The following ANKS3 variants were observed in gnomAD, a reference collection of about 807,000 sequenced individuals.
ANKS3 encodes the protein ankyrin repeat and sterile alpha motif domain containing 3, also known as ankyrin repeat and SAM domain-containing protein 3.
A neutral mutation model predicts 80.7 loss-of-function variants in ANKS3; 62 were observed. That is an observed-to-expected ratio of 0.77 (90% confidence interval 0.63 to 0.95). The LOEUF (loss-of-function observed/expected upper bound fraction) is 0.95, where lower values mean the gene tolerates loss of function less well. Ranked by LOEUF, ANKS3 falls within the 40% of genes least tolerant of loss-of-function variation. The pLI is 0.00. For missense variants in ANKS3, 1,150 were observed against 883.6 expected, an observed-to-expected ratio of 1.30 and a Z score of -3.82; for synonymous variants, 489 against 355.3, an observed-to-expected ratio of 1.38 and a Z score of -4.23.
intron 8 of ANKS3, among the ~76,000 whole-genome samples, chr16:4,703,046 C>T (rs940098157): frequency 2.0e-5 from 3 of 152,222 alleles, no homozygotes; most frequent in African/African-American, 7.2e-5. Context: ...GGGGAACTTA[C>T]TTTCCTCTTT....
chr16:4,706,911 T>G (rs73504459), intron 7 of ANKS3, among the ~76,000 whole-genome samples: 1,669 of 152,242 alleles, frequency 0.011, 28 homozygotes, highest in African/African-American at 0.039. Context: ...ACAGGACAAC[T>G]CAGGGCAGGC....
chr16:4,711,737 A>AG (rs1555470471), intron 7 of ANKS3, among the ~76,000 whole-genome samples: 7 of 150,030 alleles, frequency 4.7e-5, no homozygotes, highest in African/African-American at 1.7e-4. Context: ...AAAAAAAAAA[A>AG]GGGAGAAAAT....
chr16:4,713,233 A>G (rs1256372799), intron 7 of ANKS3, among the ~76,000 whole-genome samples: 3 of 151,988 alleles, frequency 2.0e-5, no homozygotes, highest in Non-Finnish European at 4.4e-5. Flanking sequence ...GCTTCATTGC[A>G]CTCCAGCCTG....
chr16:4,718,714 C>G (rs1448995789), intron 6 of ANKS3, among the ~76,000 whole-genome samples: 1 of 152,198 alleles, frequency 6.6e-6, no homozygotes, highest in East Asian at 1.9e-4. Flanking sequence ...GCAAACCACC[C>G]AGGCCATCGG....
In ANKS3 at chr16:4,705,195, C is replaced by T. The variant is rs767968694; in HGVS notation, c.768G>A (p.Arg256=). The T allele has an allele frequency of 6.2e-7, 1 of 1,613,994 alleles. No individual in the cohort carries two copies. ...DESCPAPQRQ[R]PCRKKGVSIH... The stretch of plus-strand genomic sequence containing the variant: ...TGCTGACACCCTTCTTCCGGCAAGG[C>T]CTCTGTCTCTGAGGAGCAGGGCAGG... Residue 256 remains arginine, a synonymous_variant, in exon 8 of 18, where the codon AGG becomes AGA. Transcript: ENST00000304283.
intron 6 of ANKS3, among the ~76,000 whole-genome samples, chr16:4,721,335 G>A (rs1036659434): frequency 9.4e-5 from 14 of 148,964 alleles, no homozygotes; most frequent in Admixed American, 8.7e-4. Context: ...GGGGCTGGGT[G>A]CGTTGGCTCG....
Position 4,699,068 on chromosome 16 carries a change from T to C in ANKS3, c.1393A>G (p.Lys465Glu), listed in dbSNP as rs2079754279. 1 of 1,613,970 alleles carries C rather than the reference T, an allele frequency of 6.2e-7. No homozygotes were observed. Among genetic ancestry groups the C allele is most frequent in the Admixed American group, 1.7e-5 (1 of 60,004 alleles). Residue 465 changes from lysine to glutamate, a missense_variant, in exon 12 of 18, where the codon AAG (lysine) becomes GAG (glutamate). Coordinates refer to ENST00000304283, the MANE Select transcript of ANKS3 (RefSeq NM_133450.4). The part of the protein sequence containing the change: ...IFLTLTESDL[K>E]EIGITLFGPK... ...TGGACGCACGTGATGCCAATTTCCT[T>C]CAGGTCGCTCTCAGTGAGGGTCAGA...
intron 6 of ANKS3, among the ~76,000 whole-genome samples, chr16:4,714,862 A>G (rs2080702644): frequency 6.6e-6 from 1 of 151,696 alleles, no homozygotes; most frequent in Non-Finnish European, 1.5e-5. Flanking sequence ...CGTGGTGGTG[A>G]ACGCCTATAG....
At position 4,701,541 on chromosome 16, in the gene ANKS3, C is replaced by T. The variant is rs748458955; in HGVS notation, c.1012G>A (p.Glu338Lys). 7.5e-6 allele frequency: 12 copies of T among 1,607,926 alleles called. No individual in the cohort carries two copies. The highest frequency in any genetic ancestry group is 1.0e-5 in the Non-Finnish European group (12 of 1,176,844). Residue 338 changes from glutamate to lysine, a missense_variant and splice_region_variant, in exon 10 of 18, where the codon GAA becomes AAA. By Grantham distance (56) the Glu-to-Lys change is moderately conservative. Transcript: ENST00000304283. ...CCCAGGTTGGCACAGAAAGCATGTT[C>T]CTCTGAGGGCGGGAAGACAGGGCGT... ...ESSSSSSSRE[E>K]HAFCANLGPV...
intron 7 of ANKS3, among the ~76,000 whole-genome samples, chr16:4,709,238 C>G (rs2142067810): frequency 6.6e-6 from 1 of 151,844 alleles, no homozygotes; most frequent in South Asian, 2.1e-4. Flanking sequence ...GAAACCCTGT[C>G]TCTCCCAAAA....
At chr16:4,721,254 G>A (rs369503950) in intron 6 of ANKS3, among the ~76,000 whole-genome samples, 4 of 148,574 alleles carry the variant, frequency 2.7e-5, no homozygotes, top group Non-Finnish European at 6.0e-5. Context: ...GCAGTGAGCC[G>A]AGATCGTGCC....
intron 11 of ANKS3, chr16:4,699,812 T>C (rs2079800179): frequency 6.5e-6 from 1 of 152,706 alleles, no homozygotes; most frequent in Admixed American, 6.5e-5. Context: ...CTGACTCTTC[T>C]GCCTGCTCAA....
intron 1 of ANKS3, among the ~76,000 whole-genome samples, chr16:4,731,990 G>T (rs2081643843): frequency 6.6e-6 from 1 of 152,202 alleles, no homozygotes; most frequent in Non-Finnish European, 1.5e-5. Flanking sequence ...CAGGTGCTAT[G>T]GTAGTTAATA....
chr16:4,714,197 C>A lies in ANKS3; in HGVS notation c.574-11G>T. ...GTCCACCTTGACTCCCTGTGAATGT[C>A]CGTGAAAGGGGGTTAGGGGCCTCTC... On this transcript the variant is annotated splice_polypyrimidine_tract_variant and intron_variant, in intron 6 of 17. Coordinates refer to ENST00000304283, the MANE Select transcript of ANKS3 (RefSeq NM_133450.4). 1 of 1,613,710 alleles carries A rather than the reference C, an allele frequency of 6.2e-7. No individual in the cohort carries two copies. Among genetic ancestry groups the A allele is most frequent in the African/African-American group, 1.3e-5 (1 of 75,040 alleles).
At chr16:4,706,978 C>A (rs546601132) in intron 7 of ANKS3, among the ~76,000 whole-genome samples, 1 of 152,140 alleles carries the variant, frequency 6.6e-6, no homozygotes, top group Non-Finnish European at 1.5e-5. Flanking sequence ...TTCCCCATGA[C>A]GAGGCTCAAG....
chr16:4,722,365 G>A lies in ANKS3; in HGVS notation c.573+2385C>T, dbSNP rs892983308. 2.7e-4 allele frequency among the ~76,000 whole-genome samples: 41 copies of A among 151,940 alleles called. No individual in the cohort carries two copies. In the East Asian group the frequency reaches 7.6e-3, roughly 28 times the overall value. On this transcript the variant is annotated intron_variant, in intron 6 of 17. Coordinates refer to ENST00000304283, the MANE Select transcript of ANKS3 (RefSeq NM_133450.4). Reference sequence around the variant, plus strand: ...GGAGGCCAGGGCGGGCAGATCATGAGGTCAGGAGATCGAGACCATCCTGGC... The same window carrying A: ...GGAGGCCAGGGCGGGCAGATCATGAAGTCAGGAGATCGAGACCATCCTGGC...
rs1270687083 is a variant in ANKS3 at position 4,696,732 on chromosome 16, A to C, written c.*176T>G. On this transcript the variant is annotated 3_prime_UTR_variant, in exon 18 of 18. Transcript: ENST00000304283. Reference sequence around the variant, plus strand: ...GCCTCAGTGCTGGCCCGAGCTGCCGAGCCAGGGCCGCAGCCCCCGTCTTGC... The same window carrying C: ...GCCTCAGTGCTGGCCCGAGCTGCCGCGCCAGGGCCGCAGCCCCCGTCTTGC... 1.8e-5 allele frequency: 9 copies of C among 502,080 alleles called. No homozygotes were observed. Among genetic ancestry groups the C allele is most frequent in the African/African-American group, 1.6e-4 (8 of 51,556 alleles). The allele number at this position is 502,080 out of a possible 1,614,324, so 31.1% of individuals were successfully genotyped here. A position where few individuals can be genotyped will look rare whatever the true frequency, so the allele number is the denominator to read the frequency against.
In ANKS3 at chr16:4,714,039, A is replaced by C; in HGVS notation, c.709+12T>G. 5 of 1,613,760 alleles carry C rather than the reference A, an allele frequency of 3.1e-6. No individual in the cohort carries two copies. The highest frequency in any genetic ancestry group is 4.2e-6 in the Non-Finnish European group (5 of 1,179,838). On this transcript the variant is annotated intron_variant, in intron 7 of 17. Coordinates refer to ENST00000304283, the MANE Select transcript of ANKS3 (RefSeq NM_133450.4). The stretch of plus-strand genomic sequence containing the variant: ...GAGACCCCAGCAGGGCGCGGCTGGC[A>C]GGTGTGGGTACCTGGGCTCCGATAG...
intron 11 of ANKS3, chr16:4,699,691 G>T: frequency 6.0e-6 from 1 of 166,410 alleles, no homozygotes. Context: ...GCCACTGTAT[G>T]GGGTGGTGTC....
Sources: gnomAD v4.1 joint callset for allele counts (sites outside exome capture counted in the v4.1 genomes callset) on GRCh38, gnomAD v4.1.1 for gene constraint, MANE v1.5 for transcripts, NCBI Gene and HGNC (gene_info 2026-07-23, HGNC 2026-07-21) for gene names.